The following CYP4V2 variants were observed in gnomAD, a reference collection of about 807,000 sequenced individuals.
CYP4V2 encodes the protein cytochrome P450 4V2.
CYP4V2 carries 55 observed loss-of-function variants against 60.8 expected under a neutral mutation model. The observed-to-expected ratio is 0.90, with a 90% confidence interval of 0.73 to 1.13. The LOEUF (loss-of-function observed/expected upper bound fraction) is 1.13. Ranked by LOEUF, CYP4V2 falls within the 50% of genes most tolerant of loss-of-function variation. The pLI, the probability that CYP4V2 is intolerant of heterozygous loss-of-function variation, is 0.00. For synonymous variants in CYP4V2, 239 were observed against 236.8 expected (o/e 1.01, Z -0.08); for missense variants, 675 against 662.9 (o/e 1.02, Z -0.20).
In CYP4V2 at chr4:186,197,352, A is replaced by G. The variant is rs72646261; in HGVS notation, c.605-181A>G. On this transcript the variant is annotated intron_variant, in intron 4 of 10. Transcript: ENST00000378802. ...CTGCCCAGGGAGGCGAAGGGAAGGA[A>G]GAACAGGAACAGGGAGTAGAAGTGG... is the stretch of plus-strand genomic sequence containing the variant. 1.3e-3 allele frequency: 1,104 copies of G among 847,572 alleles called. 9 individuals are homozygous for G. The African/African-American group carries it at 0.016, about 12-fold the overall frequency. 52.5% of individuals were successfully genotyped at this position (847,572 alleles called of 1,614,324 possible).
intron 7 of CYP4V2, chr4:186,202,467 G>A (rs1162582684): frequency 6.6e-6 from 1 of 152,076 alleles, no homozygotes; most frequent in Non-Finnish European, 1.5e-5. Context: ...GATTAGATTT[G>A]TAAAGGTGCT....
rs1434802457 is a variant in CYP4V2, at chr4:186,195,806, C to T, written c.328-197C>T. 6.6e-6 allele frequency among the ~76,000 whole-genome samples: 1 copy of T among 152,116 alleles called. No homozygotes were observed. Among genetic ancestry groups the T allele is most frequent in the African/African-American group, 2.4e-5 (1 of 41,402 alleles). ...TTTCTTCCCCCCAACTCCATTGAGT[C>T]CCCAAGACTGAATGCCAGTTTTATG... is the stretch of plus-strand genomic sequence containing the variant. On this transcript the variant is annotated intron_variant, in intron 2 of 10. Coordinates refer to ENST00000378802, the MANE Select transcript of CYP4V2 (RefSeq NM_207352.4). The surrounding 1 kb of genome is among the most constrained non-coding windows in gnomAD (Gnocchi z 4.1).
chr4:186,202,830 CCA>C (rs1055320414), intron 7 of CYP4V2: 11 of 147,822 alleles, frequency 7.4e-5, no homozygotes, highest in Non-Finnish European at 9.0e-5. Context: ...ACACACACAC[CCA>C]GATACTCATG....
rs749718029 is a variant in CYP4V2, at chr4:186,205,205, C to T, written c.993C>T (p.His331=). The change falls in exon 8 of 11, where the codon CAC becomes CAT. Residue 331 remains histidine, a synonymous_variant. Coordinates refer to ENST00000378802, the MANE Select transcript of CYP4V2 (RefSeq NM_207352.4). ...ATTGTTTTCTGCATTTGTAGGGGCA[C>T]GATACAACTGCAGCTGCAATAAACT... ...EEVDTFMFEG[H]DTTAAAINWS... 3.7e-6 allele frequency: 6 copies of T among 1,614,158 alleles called. No homozygotes were observed. The highest frequency in any genetic ancestry group is 1.7e-5 in the Admixed American group (1 of 60,020).
At chr4:186,193,925 G>A (rs559659398) in intron 1 of CYP4V2, among the ~76,000 whole-genome samples, 1 of 152,312 alleles carries the variant, frequency 6.6e-6, no homozygotes, top group South Asian at 2.1e-4. Flanking sequence ...GACAAAGTCT[G>A]CCTTCCCCAG....
intron 10 of CYP4V2, among the ~76,000 whole-genome samples, chr4:186,209,985 C>CA (rs1297693655): frequency 6.6e-6 from 1 of 152,202 alleles, no homozygotes; most frequent in Non-Finnish European, 1.5e-5. Context: ...ATCAAAACAG[C>CA]AAATGCTTGC....
Position 186,191,919 on chromosome 4 carries a change from C to G in CYP4V2, c.96C>G (p.Ser32Arg). The change falls in exon 1 of 11, where the codon AGC (serine) becomes AGG (arginine). Residue 32 changes from serine to arginine, a missense_variant. Physicochemically the swap from Ser to Arg is moderately radical, Grantham distance 110. Coordinates refer to ENST00000378802, the MANE Select transcript of CYP4V2 (RefSeq NM_207352.4). ...TGGCCGGCGCCAGTCTGGTCCTGAGCCTGCTGCAGAGGGTGGCGAGCTACG... is the reference window on the plus strand; with the variant it reads ...TGGCCGGCGCCAGTCTGGTCCTGAGGCTGCTGCAGAGGGTGGCGAGCTACG... ...LSLAGASLVL[S>R]LLQRVASYAR... The G allele has an allele frequency of 6.3e-7, 1 of 1,594,230 alleles. No homozygotes were observed. Among genetic ancestry groups the G allele is most frequent in the East Asian group, 2.3e-5 (1 of 44,070 alleles).
intron 7 of CYP4V2, chr4:186,203,051 GATGCACATATATACACAC>G (rs1250142141): frequency 3.0e-5 from 4 of 134,396 alleles, no homozygotes; most frequent in Non-Finnish European, 4.9e-5. Flanking sequence ...CACATACATA[GATGCACATATATACACAC>G]ATGCACACAT....
rs1304007222 is a variant in CYP4V2 at position 186,211,231 on chromosome 4, C to T, written c.*590C>T. The T allele has an allele frequency of 1.3e-5, 2 of 152,886 alleles. No individual in the cohort carries two copies. Among genetic ancestry groups the T allele is most frequent in the Non-Finnish European group, 1.5e-5 (1 of 68,596 alleles). The allele number at this position is 152,886 out of a possible 1,614,324, so 9.5% of individuals were successfully genotyped here. A position where few individuals can be genotyped will look rare whatever the true frequency, so the allele number is the denominator to read the frequency against. On this transcript the variant is annotated 3_prime_UTR_variant, in exon 11 of 11. Transcript: ENST00000378802. ...TGTCAGCACCCAAATAAACATCTAA[C>T]AGGTTTCTCAACAGAGGAATCCACA...
At position 186,211,981 on chromosome 4, in the gene CYP4V2, A is replaced by G. The variant is rs1736737696; in HGVS notation, c.*1340A>G. On this transcript the variant is annotated 3_prime_UTR_variant, in exon 11 of 11. Coordinates refer to ENST00000378802, the MANE Select transcript of CYP4V2 (RefSeq NM_207352.4). ...TCTTCATAATCTCCAGTTTTTTCAC[A>G]GTGCCTCACAGAGTTAATCATGCCT... is the stretch of plus-strand genomic sequence containing the variant. The G allele has an allele frequency of 6.6e-6, 1 of 152,114 alleles. No homozygotes were observed. 9.4% of individuals were successfully genotyped at this position (152,114 alleles called of 1,614,324 possible). A position where few individuals can be genotyped will look rare whatever the true frequency, so the allele number is the denominator to read the frequency against.
chr4:186,210,145 GCT>G (rs1332474689), intron 10 of CYP4V2, among the ~76,000 whole-genome samples: 1 of 152,138 alleles, frequency 6.6e-6, no homozygotes, highest in Non-Finnish European at 1.5e-5. Context: ...TGAATCTGAA[GCT>G]TTTTTGGTGA....
In CYP4V2 at chr4:186,198,987, G is replaced by A. The variant is rs1333291094; in HGVS notation, c.705G>A (p.Lys235=). The change falls in exon 6 of 11, where the codon AAG becomes AAA. Residue 235 remains lysine (K), a synonymous_variant. Transcript: ENST00000378802. The part of the protein sequence containing the change: ...RMSEMIFRRI[K]MPWLWLDLWY... The stretch of plus-strand genomic sequence containing the variant: ...GTGAGATGATATTTCGAAGAATAAA[G>A]ATGCCCTGGCTTTGGCTTGATCTCT... The A allele has an allele frequency of 3.7e-6, 6 of 1,613,946 alleles. No individual in the cohort carries two copies. Among genetic ancestry groups the A allele is most frequent in the Non-Finnish European group, 5.1e-6 (6 of 1,179,972 alleles).
chr4:186,191,635 G>T lies in CYP4V2; in HGVS notation c.-189G>T, dbSNP rs1030954988. ...GTAGGCCGGGCCGGGCGCAGGAACA[G>T]CCCCGTGGCGCCCTCTCTGGCCGCC... is the stretch of plus-strand genomic sequence containing the variant. On this transcript the variant is annotated 5_prime_UTR_variant, in exon 1 of 11. Transcript: ENST00000378802. 4.9e-5 allele frequency: 20 copies of T among 406,814 alleles called. No homozygotes were observed. The highest frequency in any genetic ancestry group is 7.0e-4 in the Middle Eastern group (1 of 1,434). 25.2% of individuals were successfully genotyped at this position (406,814 alleles called of 1,614,324 possible).
chr4:186,207,457 C>G (rs1057357605), intron 8 of CYP4V2, among the ~76,000 whole-genome samples: 2 of 145,066 alleles, frequency 1.4e-5, no homozygotes, highest in African/African-American at 5.0e-5. Context: ...ATTTGAGCAA[C>G]TATTCTTTGT....
intron 8 of CYP4V2, among the ~76,000 whole-genome samples, chr4:186,208,097 G>T (rs1027463170): frequency 6.7e-6 from 1 of 150,342 alleles, no homozygotes; most frequent in Non-Finnish European, 1.5e-5. Context: ...TTAGCATCCA[G>T]TACCTTGATC....
rs199476201 is a variant in CYP4V2, at chr4:186,208,943, G to T, written c.1169G>T (p.Arg390Leu). The T allele has an allele frequency of 3.1e-6, 5 of 1,614,150 alleles. No individual in the cohort carries two copies. Among genetic ancestry groups the T allele is most frequent in the Admixed American group, 3.3e-5 (2 of 60,026 alleles). ...YLECVIKETL[R>L]LFPSVPLFAR... ...GAATGTGTTATTAAGGAGACCCTTC[G>T]CCTTTTTCCTTCTGTTCCTTTATTT... Residue 390 changes from arginine (R) to leucine (L), a missense_variant, in exon 9 of 11, where the codon CGC becomes CTC. By Grantham distance (102) the Arg-to-Leu change is moderately radical. Transcript: ENST00000378802.
Position 186,210,931 on chromosome 4 carries a change from G to C in CYP4V2, c.*290G>C, listed in dbSNP as rs1736699751. On this transcript the variant is annotated 3_prime_UTR_variant, in exon 11 of 11. Coordinates refer to ENST00000378802, the MANE Select transcript of CYP4V2 (RefSeq NM_207352.4). ...AGCTCACTGCAACCTCCACCTCCCA[G>C]GTTCAAGCAATTCTTCTGCCTCAGC... The C allele has an allele frequency of 3.4e-6, 1 of 293,224 alleles. No individual in the cohort carries two copies. The allele number at this position is 293,224 out of a possible 1,614,324, so 18.2% of individuals were successfully genotyped here.
At chr4:186,204,928 G>A in intron 7 of CYP4V2, 1 of 490,352 alleles carries the variant, frequency 2.0e-6, no homozygotes, top group Non-Finnish European at 3.7e-6. Context: ...TCGTGCCCAT[G>A]GAACGCCGCC....
Position 186,195,653 on chromosome 4 carries a change from T to A in CYP4V2, c.328-350T>A, listed in dbSNP as rs1272121998. 6.6e-6 allele frequency among the ~76,000 whole-genome samples: 1 copy of A among 151,988 alleles called. No individual in the cohort carries two copies. The highest frequency in any genetic ancestry group is 1.5e-5 in the Non-Finnish European group (1 of 67,976). ...CATCACCTGAAAATACACCTATGATTTCCATCTCCCCACATGTGCCCACCC... is the reference window on the plus strand; with the variant it reads ...CATCACCTGAAAATACACCTATGATATCCATCTCCCCACATGTGCCCACCC... On this transcript the variant is annotated intron_variant, in intron 2 of 10. Coordinates refer to ENST00000378802, the MANE Select transcript of CYP4V2 (RefSeq NM_207352.4). The surrounding 1 kb of genome is among the most constrained non-coding windows in gnomAD (Gnocchi z 4.1).
Sources: allele counts gnomAD v4.1 joint callset (sites outside exome capture counted in the v4.1 genomes callset), GRCh38; gene constraint gnomAD v4.1.1; non-coding constraint Gnocchi (gnomAD v3.1); transcripts MANE v1.5; gene names NCBI Gene and HGNC (gene_info 2026-07-23, HGNC 2026-07-21).